The following UGT1A8 variants were observed in gnomAD, a reference collection of about 807,000 sequenced individuals.
The protein encoded by UGT1A8 is UDP glucuronosyltransferase family 1 member A8.
Under a neutral mutation model 45.3 loss-of-function variants are expected in UGT1A8, and 39 were observed. The observed-to-expected ratio is 0.86, with a 90% CI of 0.67 to 1.12. UGT1A8 has a LOEUF of 1.12. Among genes scored for constraint, UGT1A8 ranks in the 50% most tolerant of loss-of-function variants. The probability of loss-of-function intolerance (pLI) is 0.00; values close to 1 mark genes in which losing one functional copy is unlikely to be tolerated. For missense variants in UGT1A8, 719 were observed against 664.9 expected (o/e 1.08, Z -0.90); for synonymous variants, 275 against 249.2 (o/e 1.10, Z -0.97).
At chr2:233,750,498 C>T (rs1361187436) in intron 1 of UGT1A8, 1 of 151,938 alleles carries the variant, frequency 6.6e-6, no homozygotes, top group Non-Finnish European at 1.5e-5. Flanking sequence ...TAAGGAGGAG[C>T]CAAATGTTAA....
chr2:233,724,295 C>T (rs2077211883), intron 1 of UGT1A8, among the ~76,000 whole-genome samples: 1 of 145,404 alleles, frequency 6.9e-6, no homozygotes, highest in Non-Finnish European at 1.5e-5. Context: ...GGGCTGACCC[C>T]CCCACCTCCC....
chr2:233,722,716 G>A (rs952694849), intron 1 of UGT1A8, among the ~76,000 whole-genome samples: 1 of 151,988 alleles, frequency 6.6e-6, no homozygotes, highest in Non-Finnish European at 1.5e-5. Flanking sequence ...TTAAATATCA[G>A]TTTTTAAATT....
At chr2:233,718,085 C>T (rs557969051) in intron 1 of UGT1A8, 1 of 337,650 alleles carries the variant, frequency 3.0e-6, no homozygotes, top group Non-Finnish European at 5.9e-6. Context: ...GTTGTCTTGC[C>T]CATGTGTGCT....
chr2:233,646,214 C>A (rs990542227), intron 1 of UGT1A8, among the ~76,000 whole-genome samples: 3 of 152,216 alleles, frequency 2.0e-5, no homozygotes, highest in Non-Finnish European at 4.4e-5. Flanking sequence ...AGGCTGCACA[C>A]AGCAGGGGGC....
intron 1 of UGT1A8, among the ~76,000 whole-genome samples, chr2:233,700,008 C>T (rs750443440): frequency 1.3e-5 from 2 of 152,192 alleles, no homozygotes; most frequent in Admixed American, 1.3e-4. Context: ...CAAAATGTCA[C>T]GAGTGCTGAA....
intron 1 of UGT1A8, among the ~76,000 whole-genome samples, chr2:233,711,923 C>A (rs946379005): frequency 6.6e-6 from 1 of 152,212 alleles, no homozygotes. Context: ...TGCTCAGGGT[C>A]TCTCCATTAG....
intron 1 of UGT1A8, among the ~76,000 whole-genome samples, chr2:233,680,328 C>T (rs1023076830): frequency 1.1e-4 from 16 of 152,244 alleles, no homozygotes; most frequent in South Asian, 4.1e-4. Flanking sequence ...AGAAGAAACG[C>T]GCAGAGGGTA....
chr2:233,690,266 G>T (rs574382327), intron 1 of UGT1A8, among the ~76,000 whole-genome samples: 2 of 152,234 alleles, frequency 1.3e-5, no homozygotes, highest in Non-Finnish European at 2.9e-5. Flanking sequence ...CAAACATTTT[G>T]CAGGTCCTTT....
intron 1 of UGT1A8, chr2:233,752,495 C>T (rs1266161924): frequency 6.6e-6 from 1 of 152,176 alleles, no homozygotes; most frequent in Non-Finnish European, 1.5e-5. Flanking sequence ...TGAGATGAGA[C>T]ATTTTAAAAA....
chr2:233,663,447 C>T (rs879414501), intron 1 of UGT1A8, among the ~76,000 whole-genome samples: 1 of 151,804 alleles, frequency 6.6e-6, no homozygotes, highest in Admixed American at 6.6e-5. Flanking sequence ...TGGGTGGGGG[C>T]CACAAGAGCA....
intron 1 of UGT1A8, among the ~76,000 whole-genome samples, chr2:233,721,322 G>C (rs1265391747): frequency 6.6e-6 from 1 of 152,066 alleles, no homozygotes; most frequent in Non-Finnish European, 1.5e-5. Context: ...CTCTTTTCTT[G>C]TGGTTTTTCA....
At chr2:233,665,028 G>T (rs1353746253) in intron 1 of UGT1A8, among the ~76,000 whole-genome samples, 3 of 152,114 alleles carry the variant, frequency 2.0e-5, no homozygotes, top group African/African-American at 7.2e-5. Context: ...TAGTAGTTTT[G>T]TGTGCATCAT....
intron 1 of UGT1A8, among the ~76,000 whole-genome samples, chr2:233,623,220 G>T (rs2125449473): frequency 6.6e-6 from 1 of 152,156 alleles, no homozygotes; most frequent in Non-Finnish European, 1.5e-5. Flanking sequence ...CTCTTTTTTA[G>T]TTCCATATGA....
intron 1 of UGT1A8, among the ~76,000 whole-genome samples, chr2:233,655,788 G>A (rs2073841847): frequency 6.6e-6 from 1 of 152,134 alleles, no homozygotes; most frequent in South Asian, 2.1e-4. Flanking sequence ...GCTAAGTGGG[G>A]TTGGCTTTGA....
At chr2:233,713,006 C>T (rs755278737) in intron 1 of UGT1A8, 4 of 1,613,544 alleles carry the variant, frequency 2.5e-6, no homozygotes, top group Non-Finnish European at 3.4e-6. Context: ...CCACAGGACT[C>T]CAGGTTCCCC....
intron 1 of UGT1A8, among the ~76,000 whole-genome samples, chr2:233,704,447 T>C (rs2075789170): frequency 6.6e-6 from 1 of 152,328 alleles, no homozygotes; most frequent in African/African-American, 2.4e-5. Context: ...TGAAATGTCA[T>C]TCCTATATAG....
At chr2:233,669,777 G>T (rs368360684) in intron 1 of UGT1A8, among the ~76,000 whole-genome samples, 1 of 151,952 alleles carries the variant, frequency 6.6e-6, no homozygotes, top group Non-Finnish European at 1.5e-5. Flanking sequence ...TCCGCTTCCC[G>T]GGTTCAAGTG....
chr2:233,686,068 G>T (rs2074771450), intron 1 of UGT1A8, among the ~76,000 whole-genome samples: 1 of 152,140 alleles, frequency 6.6e-6, no homozygotes, highest in Non-Finnish European at 1.5e-5. Flanking sequence ...TCAGCAGAGG[G>T]TTCTGGGACA....
At chr2:233,704,669 C>T (rs2075802744) in intron 1 of UGT1A8, among the ~76,000 whole-genome samples, 1 of 152,008 alleles carries the variant, frequency 6.6e-6, no homozygotes, top group Admixed American at 6.6e-5. Flanking sequence ...TTCCTTTGTT[C>T]TTATGGATCT....
Sources: allele counts gnomAD v4.1 joint callset (sites outside exome capture counted in the v4.1 genomes callset), GRCh38; gene constraint gnomAD v4.1.1; transcripts MANE v1.5; gene names NCBI Gene and HGNC (gene_info 2026-07-23, HGNC 2026-07-21).